The following OPCML variants were observed in gnomAD, a reference collection of about 807,000 sequenced individuals.
OPCML encodes opioid binding protein/cell adhesion molecule like, also known as opioid-binding protein/cell adhesion molecule.
In OPCML, 13 loss-of-function variants were observed where a neutral mutation model predicts 37.8. The ratio of observed to expected loss-of-function variants is 0.34; its 90% CI spans 0.22 to 0.55. The LOEUF is 0.55. OPCML is among the 20% of genes least tolerant of loss of function. The pLI is 0.91. For synonymous variants in OPCML, 176 were observed against 168.8 expected (o/e 1.04, Z -0.33); for missense variants, 341 against 435.6 (o/e 0.78, Z 1.93).
chr11:132,939,916 A>G (rs1263906918), intron 2 of OPCML, among the ~76,000 whole-genome samples: 2 of 152,226 alleles, frequency 1.3e-5, no homozygotes, highest in African/African-American at 2.4e-5. Context: ...GATTCATGGA[A>G]GCTATAATTC....
At chr11:132,472,403 T>C (rs1022771394) in intron 4 of OPCML, among the ~76,000 whole-genome samples, 3 of 152,214 alleles carry the variant, frequency 2.0e-5, no homozygotes, top group African/African-American at 7.2e-5. Flanking sequence ...CTGGCAGGCT[T>C]ATCCATCCCT....
intron 1 of OPCML, among the ~76,000 whole-genome samples, chr11:133,495,882 C>T (rs542817290): frequency 6.6e-6 from 1 of 152,110 alleles, no homozygotes; most frequent in Admixed American, 6.5e-5. Flanking sequence ...TTCCTTTTGC[C>T]CTGCAAAAGC....
Position 133,174,145 on chromosome 11 carries a change from C to A in OPCML, c.62-231135G>T, listed in dbSNP as rs913892997. ...TTGTCAGGCTGGTCCCTTGTGTCTT[C>A]CCTTCCCTCTCATTCTCCACCTTCT... On this transcript the variant is annotated intron_variant, in intron 1 of 7. Coordinates refer to ENST00000524381, the MANE Select transcript of OPCML (RefSeq NM_001012393.5). This position sits in a 1 kb window ranked among gnomAD's most constrained non-coding sequence, Gnocchi z 4.6. 6.6e-6 allele frequency among the ~76,000 whole-genome samples: 1 copy of A among 152,308 alleles called. No homozygotes were observed. The highest frequency in any genetic ancestry group is 1.9e-4 in the East Asian group (1 of 5,178).
intron 4 of OPCML, among the ~76,000 whole-genome samples, chr11:132,441,343 T>C (rs1369427700): frequency 3.3e-5 from 5 of 151,058 alleles, no homozygotes; most frequent in African/African-American, 1.2e-4. Context: ...AATTTTTTTG[T>C]ATTTTTAGTA....
chr11:132,679,152 G>A (rs1409645297), intron 2 of OPCML, among the ~76,000 whole-genome samples: 1 of 152,150 alleles, frequency 6.6e-6, no homozygotes, highest in Non-Finnish European at 1.5e-5. Context: ...CTGCTTGTGG[G>A]AATGCAAAAC....
At chr11:133,496,755 C>T (rs1565667832) in intron 1 of OPCML, among the ~76,000 whole-genome samples, 1 of 152,192 alleles carries the variant, frequency 6.6e-6, no homozygotes, top group Admixed American at 6.5e-5. Context: ...AAACTTGTAT[C>T]CAGAAACTTT....
intron 2 of OPCML, among the ~76,000 whole-genome samples, chr11:132,829,617 G>T (rs547273954): frequency 6.6e-6 from 1 of 152,280 alleles, no homozygotes; most frequent in African/African-American, 2.4e-5. Flanking sequence ...TAAATCTCCT[G>T]TCCGGTGTTG....
chr11:133,245,172 T>C (rs1592137408), intron 1 of OPCML, among the ~76,000 whole-genome samples: 1 of 152,288 alleles, frequency 6.6e-6, no homozygotes, highest in East Asian at 1.9e-4. Flanking sequence ...TGTGGAGCCA[T>C]ATAGCACAAC....
At chr11:133,284,601 C>G (rs57589917) in intron 1 of OPCML, among the ~76,000 whole-genome samples, 1,898 of 152,068 alleles carry the variant, frequency 0.012, 45 homozygotes, top group African/African-American at 0.043. Flanking sequence ...GGAATTTGGC[C>G]TCATTCATTT....
intron 2 of OPCML, among the ~76,000 whole-genome samples, chr11:132,726,173 CT>C (rs1944875959): frequency 6.6e-6 from 1 of 152,160 alleles, no homozygotes; most frequent in South Asian, 2.1e-4. Flanking sequence ...TTTTATGCTG[CT>C]GATAAAGACA....
In OPCML at chr11:132,953,941, C is replaced by T. The variant is rs549608705; in HGVS notation, c.62-10931G>A. Among the ~76,000 whole-genome samples, 18 of 152,332 alleles carry T rather than the reference C, an allele frequency of 1.2e-4. No individual in the cohort carries two copies. In the South Asian group the frequency reaches 1.5e-3, roughly 12 times the overall value. ...GTACTCCATGACTGGCTGCTCCTTA[C>T]GGGGCTGTACCCACTTCCTGCTAAA... On this transcript the variant is annotated intron_variant, in intron 1 of 7. Coordinates refer to ENST00000524381, the MANE Select transcript of OPCML (RefSeq NM_001012393.5).
intron 4 of OPCML, among the ~76,000 whole-genome samples, chr11:132,497,701 G>A (rs115884533): frequency 0.02 from 3,110 of 152,176 alleles, 97 homozygotes; most frequent in African/African-American, 0.07. Context: ...GGTCTCAAGT[G>A]GACAGAGGGG....
intron 1 of OPCML, among the ~76,000 whole-genome samples, chr11:133,035,910 A>C (rs1947774175): frequency 1.0e-5 from 1 of 100,464 alleles, no homozygotes; most frequent in Non-Finnish European, 1.9e-5. Flanking sequence ...TCTGCAAGCC[A>C]AAAAGAGAGG....
chr11:132,650,757 G>A (rs1481724519), intron 3 of OPCML, among the ~76,000 whole-genome samples: 18 of 152,196 alleles, frequency 1.2e-4, no homozygotes, highest in Admixed American at 1.2e-3. Context: ...GCGCAGGGCT[G>A]AGGAGTGAGC....
intron 1 of OPCML, among the ~76,000 whole-genome samples, chr11:133,202,716 C>A (rs1411395921): frequency 6.6e-6 from 1 of 152,228 alleles, no homozygotes; most frequent in Non-Finnish European, 1.5e-5. Context: ...CTTGTGGAAG[C>A]TCAGGTGGGA....
chr11:133,354,082 A>C (rs1944205629), intron 1 of OPCML, among the ~76,000 whole-genome samples: 2 of 151,894 alleles, frequency 1.3e-5, no homozygotes, highest in African/African-American at 2.4e-5. Context: ...TTTTAAGTCT[A>C]TCTGTGCTAT....
chr11:132,965,361 T>C (rs1054990165), intron 1 of OPCML, among the ~76,000 whole-genome samples: 2 of 152,188 alleles, frequency 1.3e-5, no homozygotes, highest in African/African-American at 4.8e-5. Context: ...GGCTGTTTTG[T>C]GTCGGGGGGA....
intron 2 of OPCML, among the ~76,000 whole-genome samples, chr11:132,859,013 A>T (rs1942181839): frequency 6.6e-6 from 1 of 152,180 alleles, no homozygotes; most frequent in Non-Finnish European, 1.5e-5. Flanking sequence ...AATATTAAAT[A>T]TGCTCGTTTG....
intron 3 of OPCML, among the ~76,000 whole-genome samples, chr11:132,627,172 T>C (rs1407659200): frequency 6.6e-6 from 1 of 152,072 alleles, no homozygotes; most frequent in African/African-American, 2.4e-5. Context: ...CCAGAAAAAC[T>C]ATGTATATAT....
Sources: gnomAD v4.1 joint callset for allele counts (sites outside exome capture counted in the v4.1 genomes callset) on GRCh38, gnomAD v4.1.1 for gene constraint, Gnocchi (gnomAD v3.1) non-coding constraint, MANE v1.5 for transcripts, NCBI Gene and HGNC (gene_info 2026-07-23, HGNC 2026-07-21) for gene names.